Variants in DUOX1 observed in about 807,000 individuals in gnomAD.
The protein encoded by DUOX1 is NADPH thyroid oxidase 1.
Under a neutral mutation model 181.8 loss-of-function variants are expected in DUOX1, and 134 were observed. The ratio of observed to expected loss-of-function variants is 0.74; its 90% CI spans 0.64 to 0.85. The LOEUF (loss-of-function observed/expected upper bound fraction) is 0.85. Ranked by LOEUF, DUOX1 falls within the 40% of genes least tolerant of loss-of-function variation. The pLI is 0.00. For missense variants in DUOX1, 1,814 were observed against 2,064.4 expected, an observed-to-expected ratio of 0.88 and a Z score of 2.35; for synonymous variants, 798 against 832.5, an observed-to-expected ratio of 0.96 and a Z score of 0.71.
chr15:45,162,050 C>A, intron 30 of DUOX1, 80 bp downstream of exon 30: 1 of 1,468,584 alleles, frequency 6.8e-7, no homozygotes, highest in Non-Finnish European at 9.3e-7. Flanking sequence ...AGACTCCCCG[C>A]TCTGTGCCTC....
chr15:45,131,987 A>G lies in DUOX1; in HGVS notation c.21A>G (p.Leu7=). 1.2e-6 allele frequency: 2 copies of G among 1,613,996 alleles called. No individual in the cohort carries two copies. Among genetic ancestry groups the G allele is most frequent in the Non-Finnish European group, 1.7e-6 (2 of 1,179,988 alleles). ...TCATCATGGGCTTCTGCCTGGCTCT[A>G]GCATGGACACTTCTGGTTGGGGCAT... MGFCLA[L]AWTLLVGAWT... The change falls in exon 2 of 34, where the codon CTA becomes CTG. Residue 7 remains leucine, a synonymous_variant. Coordinates refer to ENST00000389037, the MANE Select transcript of DUOX1 (RefSeq NM_175940.3).
Position 45,148,365 on chromosome 15 carries a change from G to A in DUOX1, c.2736G>A (p.Lys912=), listed in dbSNP as rs1177685112. The change falls in exon 21 of 34, where the codon AAG becomes AAA. Residue 912 remains lysine (K), a synonymous_variant. Transcript: ENST00000389037. ...TCCGGGAGTCGGGATTCCAGGACAA[G>A]GAGGAACTGACATGGGAAGATTTTC... is the stretch of plus-strand genomic sequence containing the variant. ...SMFRESGFQD[K]EELTWEDFHF... is the part of the protein sequence containing the mutation. 2 of 1,614,226 alleles carry A rather than the reference G, an allele frequency of 1.2e-6. No individual in the cohort carries two copies. The highest frequency in any genetic ancestry group is 1.7e-6 in the Non-Finnish European group (2 of 1,180,042).
chr15:45,147,059 C>T (rs1896672577), intron 18 of DUOX1, among the ~76,000 whole-genome samples: 1 of 152,198 alleles, frequency 6.6e-6, no homozygotes, highest in Non-Finnish European at 1.5e-5. Flanking sequence ...ATCAACCTGG[C>T]CTGAAAGGAC....
chr15:45,141,533 G>A (rs1410891438), intron 14 of DUOX1, 123 bp downstream of exon 14: 1 of 1,138,884 alleles, frequency 8.8e-7, no homozygotes, highest in Non-Finnish European at 1.3e-6. Context: ...GTGAGCTGTG[G>A]TTCTGCCCTT....
Position 45,136,517 on chromosome 15 carries a change from C to G in DUOX1, c.926-12C>G, listed in dbSNP as rs1420615283. On this transcript the variant is annotated splice_polypyrimidine_tract_variant and intron_variant, in intron 8 of 33. Transcript: ENST00000389037. ...CTAAATTCTTCTGTCCTCTCTTCTC[C>G]TATTTCCCCAGGATACCGGCCATTT... 1 of 1,614,102 alleles carries G rather than the reference C, an allele frequency of 6.2e-7. No individual in the cohort carries two copies. The highest frequency in any genetic ancestry group is 8.5e-7 in the Non-Finnish European group (1 of 1,180,018).
At chr15:45,145,588 G>T (rs1420907171) in intron 18 of DUOX1, among the ~76,000 whole-genome samples, 1 of 152,172 alleles carries the variant, frequency 6.6e-6, no homozygotes, top group Non-Finnish European at 1.5e-5. Context: ...GGCAGCCTGG[G>T]AGCAGGGTAG....
chr15:45,132,088 C>G (rs1706810), intron 2 of DUOX1, 64 bp downstream of exon 2: 1,014,974 of 1,429,880 alleles, frequency 0.71, 372,610 homozygotes, highest in Non-Finnish European at 0.76. Context: ...TCTGGGCTCC[C>G]CCAAGGACAG....
In DUOX1 at chr15:45,139,510, T is replaced by C. The variant is rs917488779; in HGVS notation, c.1300T>C (p.Ser434Pro). Residue 434 changes from serine (S) to proline (P), a missense_variant, in exon 12 of 34, where the codon TCT (serine) becomes CCT (proline). Ser to Pro is a moderately conservative substitution (Grantham distance 74). Coordinates refer to ENST00000389037, the MANE Select transcript of DUOX1 (RefSeq NM_175940.3). ...LQRGRDLGLP[S>P]YTKARAALGL... is the part of the protein sequence containing the mutation. Reference sequence around the variant, plus strand: ...GCGGGGCCGGGATCTGGGCCTGCCCTCTTACACCAAGGCCAGGGCAGCACT... The same window carrying C: ...GCGGGGCCGGGATCTGGGCCTGCCCCCTTACACCAAGGCCAGGGCAGCACT... 1 of 1,613,690 alleles carries C rather than the reference T, an allele frequency of 6.2e-7. No homozygotes were observed. Among genetic ancestry groups the C allele is most frequent in the Admixed American group, 1.7e-5 (1 of 59,880 alleles).
chr15:45,140,078 G>T, intron 12 of DUOX1: 1 of 1,366,654 alleles, frequency 7.3e-7, no homozygotes. Context: ...AACCAGTAGC[G>T]GTCACCATCC....
chr15:45,151,325 G>C, intron 23 of DUOX1, 77 bp downstream of exon 23: 2 of 1,563,356 alleles, frequency 1.3e-6, no homozygotes, highest in Non-Finnish European at 1.7e-6. Context: ...CTTGGTGCCA[G>C]GCACTGTGCT....
In DUOX1 at chr15:45,147,460, G is replaced by A; in HGVS notation, c.2350G>A (p.Gly784Arg). ...GCTGGACATCAACCAGGCCGACGCAGGGACCCTGCCCCTGGACTCCTCCCA... is the reference window on the plus strand; with the variant it reads ...GCTGGACATCAACCAGGCCGACGCAAGGACCCTGCCCCTGGACTCCTCCCA... ...QVLDINQADA[G>R]TLPLDSSQKV... is the part of the protein sequence containing the mutation. Residue 784 changes from glycine (G) to arginine (R), a missense_variant, in exon 19 of 34, where the codon GGG (glycine) becomes AGG (arginine). Coordinates refer to ENST00000389037, the MANE Select transcript of DUOX1 (RefSeq NM_175940.3). 6.2e-7 allele frequency: 1 copy of A among 1,613,920 alleles called. No homozygotes were observed. The highest frequency in any genetic ancestry group is 8.5e-7 in the Non-Finnish European group (1 of 1,179,934).
At position 45,144,164 on chromosome 15, in the gene DUOX1, G is replaced by A. The variant is rs775135757; in HGVS notation, c.2065G>A (p.Val689Ile). 3.1e-6 allele frequency: 5 copies of A among 1,614,158 alleles called. No homozygotes were observed. The highest frequency in any genetic ancestry group is 4.2e-6 in the Non-Finnish European group (5 of 1,180,050). ...CATCCAGCTGCAGCCTCCACAGAAG[G>A]TCAACTTCGTCCTGTCCAGCAACCG... The part of the protein sequence containing the change: ...RTIQLQPPQK[V>I]NFVLSSNRGR... Residue 689 changes from valine to isoleucine, a missense_variant, in exon 17 of 34, where the codon GTC (valine) becomes ATC (isoleucine). Transcript: ENST00000389037.
chr15:45,152,232 A>G, intron 24 of DUOX1, 54 bp from the exon 25 acceptor site: 22 of 1,543,090 alleles, frequency 1.4e-5, no homozygotes, highest in Non-Finnish European at 1.9e-5. Context: ...GCCCCTAACC[A>G]GCTCTCTGTC....
rs1220958663 is a variant in DUOX1, at chr15:45,143,226, G to A, written c.1859G>A (p.Arg620Gln). 3.7e-6 allele frequency: 6 copies of A among 1,614,078 alleles called. No homozygotes were observed. Among genetic ancestry groups the A allele is most frequent in the East Asian group, 2.2e-5 (1 of 44,880 alleles). Residue 620 changes from arginine to glutamine, a missense_variant, in exon 16 of 34, where the codon CGG becomes CAG. By Grantham distance (43) the Arg-to-Gln change is conservative. This residue lies in a region of DUOX1 where 1,064 missense variants were observed against 1,152.9 expected (regional missense o/e 0.92). Transcript: ENST00000389037. ...LLSAWIVARL[R>Q]MRNFKRLQGQ... ...AGTGCCTGGATTGTTGCCCGGCTCC[G>A]GATGAGAAATTTCAAGAGGCTCCAG...
intron 13 of DUOX1, 75 bp from the exon 14 acceptor site, chr15:45,141,217 G>A (rs1244037948): frequency 6.3e-7 from 1 of 1,579,328 alleles, no homozygotes; most frequent in African/African-American, 1.3e-5. Context: ...TTTCTCACCT[G>A]GGTCCTTGGG....
At chr15:45,153,522 GTGTGTGTGTGTGTGTGTGTGTGTGTA>G (rs774846882) in intron 26 of DUOX1, 43 bp downstream of exon 26, 12,266 of 1,105,980 alleles carry the variant, frequency 0.011, 149 homozygotes, top group South Asian at 0.037. Context: ...GTGTGTGTGT[GTGTGTGTGTGTGTGTGTGTGTGTGTA>G]TAATGGGGAG....
chr15:45,154,456 A>C (rs1414934603), intron 27 of DUOX1, among the ~76,000 whole-genome samples: 1 of 151,688 alleles, frequency 6.6e-6, no homozygotes, highest in Admixed American at 6.6e-5. Context: ...GATATTCCTA[A>C]CTCCCTATAA....
intron 28 of DUOX1, among the ~76,000 whole-genome samples, chr15:45,159,617 CTTA>C (rs1897047919): frequency 6.6e-6 from 1 of 152,196 alleles, no homozygotes; most frequent in African/African-American, 2.4e-5. Flanking sequence ...GTTAGACAAA[CTTA>C]TTAGGGAAAG....
chr15:45,151,610 T>A (rs752352956), intron 23 of DUOX1, among the ~76,000 whole-genome samples: 3 of 151,728 alleles, frequency 2.0e-5, no homozygotes, highest in African/African-American at 4.8e-5. Flanking sequence ...AGGGACTGAG[T>A]GTGAATGAAC....
Sources: allele counts gnomAD v4.1 joint callset (sites outside exome capture counted in the v4.1 genomes callset), GRCh38; gene constraint gnomAD v4.1.1; regional missense constraint gnomAD v4.1.1; transcripts MANE v1.5; gene names NCBI Gene and HGNC (gene_info 2026-07-23, HGNC 2026-07-21).